RAB38: variants seen among roughly 807,000 people sequenced by gnomAD.
RAB38 encodes ras-related protein Rab-38.
A neutral mutation model predicts 18.4 loss-of-function variants in RAB38; 15 were observed. The ratio of observed to expected loss-of-function variants is 0.82; its 90% CI spans 0.55 to 1.26. The LOEUF (loss-of-function observed/expected upper bound fraction) is 1.26. RAB38 is among the 50% of genes most tolerant of loss of function. The probability of loss-of-function intolerance (pLI) is 0.00; values close to 1 mark genes in which losing one functional copy is unlikely to be tolerated. For missense variants in RAB38, 294 were observed against 267.4 expected (o/e 1.10, Z -0.69); for synonymous variants, 101 against 104.4 (o/e 0.97, Z 0.20).
the RAB38 span, among the ~76,000 whole-genome samples, chr11:87,938,036 T>C: frequency 6.6e-6 from 1 of 152,120 alleles, no homozygotes; most frequent in Admixed American, 6.6e-5. Context: ...ACTGGATGTT[T>C]TCACATTATA....
intron 2 of RAB38, among the ~76,000 whole-genome samples, chr11:88,132,348 T>C (rs1336517378): frequency 6.6e-6 from 1 of 152,180 alleles, no homozygotes; most frequent in East Asian, 1.9e-4. Flanking sequence ...CCTGGGTACA[T>C]ACCTCAAGAC....
the RAB38 span, among the ~76,000 whole-genome samples, chr11:87,852,011 T>C: frequency 1.3e-5 from 2 of 152,168 alleles, no homozygotes; most frequent in Non-Finnish European, 2.9e-5. Flanking sequence ...CTAAGTTTGA[T>C]GAAAAAGTGC....
the RAB38 span, among the ~76,000 whole-genome samples, chr11:87,941,352 A>T: frequency 6.0e-4 from 90 of 150,816 alleles, no homozygotes; most frequent in African/African-American, 2.1e-3. Flanking sequence ...ACTTACACTC[A>T]TCGCAGTCTG....
the RAB38 span, among the ~76,000 whole-genome samples, chr11:87,966,656 A>C: frequency 2.0e-5 from 3 of 152,302 alleles, no homozygotes; most frequent in Admixed American, 2.0e-4. Flanking sequence ...TTTTTGGACA[A>C]GGTACCAGAT....
the RAB38 span, among the ~76,000 whole-genome samples, chr11:88,077,615 T>A: frequency 1.3e-5 from 2 of 152,118 alleles, no homozygotes; most frequent in African/African-American, 4.8e-5. Flanking sequence ...GAAACTAGAC[T>A]TGTATTGTTC....
chr11:88,060,990 T>G, the RAB38 span, among the ~76,000 whole-genome samples: 3 of 152,228 alleles, frequency 2.0e-5, no homozygotes, highest in Admixed American at 1.3e-4. Context: ...ATGTCTAGAT[T>G]GCCTGTGAGG....
the RAB38 span, among the ~76,000 whole-genome samples, chr11:87,831,697 C>T: frequency 6.6e-6 from 1 of 152,158 alleles, no homozygotes; most frequent in Non-Finnish European, 1.5e-5. Flanking sequence ...AAGCTTGGCT[C>T]AGCAGTCTAG....
the RAB38 span, among the ~76,000 whole-genome samples, chr11:87,942,573 T>C: frequency 6.6e-6 from 1 of 152,146 alleles, no homozygotes; most frequent in South Asian, 2.1e-4. Context: ...AGATTAAGAC[T>C]TGACTTGAGG....
At chr11:88,156,041 A>G (rs1451120160) in intron 1 of RAB38, among the ~76,000 whole-genome samples, 1 of 152,214 alleles carries the variant, frequency 6.6e-6, no homozygotes, top group Non-Finnish European at 1.5e-5. Flanking sequence ...AAAAATATCA[A>G]ACCTACAAAT....
chr11:87,846,067 T>C, the RAB38 span, among the ~76,000 whole-genome samples: 4 of 152,022 alleles, frequency 2.6e-5, no homozygotes, highest in African/African-American at 9.7e-5. Context: ...GTGTATATAT[T>C]GTAACCCCTA....
chr11:87,833,074 C>T, the RAB38 span, among the ~76,000 whole-genome samples: 1 of 152,150 alleles, frequency 6.6e-6, no homozygotes, highest in Non-Finnish European at 1.5e-5. Flanking sequence ...AGTTTATCTG[C>T]TTTTGTTCTT....
At chr11:87,817,132 T>C in the RAB38 span, 1 of 152,160 alleles carries the variant, frequency 6.6e-6, no homozygotes, top group Non-Finnish European at 1.5e-5. Flanking sequence ...AATCAGGAGC[T>C]TCTACATAAC....
At chr11:87,853,461 GT>G in the RAB38 span, among the ~76,000 whole-genome samples, 1 of 152,182 alleles carries the variant, frequency 6.6e-6, no homozygotes, top group Non-Finnish European at 1.5e-5. Flanking sequence ...GGAACTAAAT[GT>G]GCTGGCGCCT....
At chr11:87,906,038 C>A in the RAB38 span, among the ~76,000 whole-genome samples, 1 of 151,946 alleles carries the variant, frequency 6.6e-6, no homozygotes, top group Non-Finnish European at 1.5e-5. Flanking sequence ...TGAGGCTCAC[C>A]ACATTTGTTA....
At chr11:87,940,559 T>TAC in the RAB38 span, among the ~76,000 whole-genome samples, 18 of 151,732 alleles carry the variant, frequency 1.2e-4, no homozygotes, top group South Asian at 4.2e-4. Context: ...AAGGGTTTTA[T>TAC]ACACACACAC....
At chr11:88,029,960 A>C in the RAB38 span, among the ~76,000 whole-genome samples, 1 of 152,182 alleles carries the variant, frequency 6.6e-6, no homozygotes, top group African/African-American at 2.4e-5. Context: ...CTATTCCAAA[A>C]TTGACCACAT....
intron 1 of RAB38, chr11:88,166,616 C>A: frequency 6.6e-6 from 1 of 151,880 alleles, no homozygotes; most frequent in Non-Finnish European, 1.5e-5. Context: ...ATATAATATA[C>A]GCTTAAATTT....
the RAB38 span, among the ~76,000 whole-genome samples, chr11:88,010,701 T>C: frequency 1.3e-5 from 2 of 152,198 alleles, no homozygotes; most frequent in Non-Finnish European, 2.9e-5. Flanking sequence ...TCTCATTTAA[T>C]TCTCACGATA....
At chr11:87,943,519 A>C in the RAB38 span, among the ~76,000 whole-genome samples, 1 of 152,118 alleles carries the variant, frequency 6.6e-6, no homozygotes, top group Non-Finnish European at 1.5e-5. Flanking sequence ...TGAGAAACAA[A>C]TGATTGATAG....
Sources: gnomAD v4.1 joint callset for allele counts (sites outside exome capture counted in the v4.1 genomes callset) on GRCh38, gnomAD v4.1.1 for gene constraint, MANE v1.5 for transcripts, NCBI Gene and HGNC (gene_info 2026-07-23, HGNC 2026-07-21) for gene names.